The following CENPC variants were observed in gnomAD, a reference collection of about 807,000 sequenced individuals.
CENPC encodes the protein CENP-C 1.
Under a neutral mutation model 112.1 loss-of-function variants are expected in CENPC, and 63 were observed. That is an observed-to-expected ratio of 0.56 (90% CI 0.46 to 0.69). The LOEUF (loss-of-function observed/expected upper bound fraction) is 0.69. CENPC is among the 30% of genes least tolerant of loss of function. The probability of loss-of-function intolerance (pLI) is 0.00; values close to 1 mark genes in which losing one functional copy is unlikely to be tolerated. For synonymous variants in CENPC, 333 were observed against 367.6 expected, an observed-to-expected ratio of 0.91 and a Z score of 1.08; for missense variants, 1,000 against 1,103.8, an observed-to-expected ratio of 0.91 and a Z score of 1.33.
Position 67,469,239 on chromosome 4 carries a change from C to T in CENPC, c.*3366G>A, listed in dbSNP as rs1577964956. 6.6e-6 allele frequency: 1 copy of T among 152,102 alleles called. No individual in the cohort carries two copies. The highest frequency in any genetic ancestry group is 2.1e-4 in the South Asian group (1 of 4,826). 9.4% of individuals were successfully genotyped at this position (152,102 alleles called of 1,614,324 possible). Reference sequence around the variant, plus strand: ...AAAAAACTCTCATGGGTGATGCCCACGATGGATTAATGGGTATCAAATTTG... The same window carrying T: ...AAAAAACTCTCATGGGTGATGCCCATGATGGATTAATGGGTATCAAATTTG... On this transcript the variant is annotated 3_prime_UTR_variant, in exon 19 of 19. Transcript: ENST00000273853.
At chr4:67,491,331 G>A (rs947677725) in intron 16 of CENPC, among the ~76,000 whole-genome samples, 4 of 149,866 alleles carry the variant, frequency 2.7e-5, no homozygotes, top group South Asian at 2.1e-4. Context: ...CCACCACCAC[G>A]CCCAGCTACC....
chr4:67,479,049 A>C (rs1409209647), intron 17 of CENPC, among the ~76,000 whole-genome samples: 1 of 152,138 alleles, frequency 6.6e-6, no homozygotes, highest in Non-Finnish European at 1.5e-5. Context: ...TGCACCTAAC[A>C]CCAGAGCTCC....
chr4:67,534,829 A>G (rs1390423911), intron 4 of CENPC, among the ~76,000 whole-genome samples: 3 of 152,206 alleles, frequency 2.0e-5, no homozygotes, highest in African/African-American at 4.8e-5. Context: ...ACAAGAGGAG[A>G]CAGCTAAGGA....
chr4:67,524,279 C>T (rs1306892340), intron 5 of CENPC, among the ~76,000 whole-genome samples: 1 of 152,058 alleles, frequency 6.6e-6, no homozygotes, highest in African/African-American at 2.4e-5. Flanking sequence ...GACAAGGATG[C>T]CCTCTCTCAC....
intron 1 of CENPC, among the ~76,000 whole-genome samples, chr4:67,545,123 A>G (rs1166722383): frequency 6.6e-6 from 1 of 152,190 alleles, no homozygotes; most frequent in African/African-American, 2.4e-5. Flanking sequence ...AGACGAAATG[A>G]CGACATGAAA....
intron 17 of CENPC, among the ~76,000 whole-genome samples, chr4:67,485,936 T>C (rs1257768679): frequency 6.6e-6 from 1 of 152,104 alleles, no homozygotes; most frequent in African/African-American, 2.4e-5. Context: ...GATTACAGAA[T>C]TCATTCCCTA....
At chr4:67,479,608 C>T (rs1724898864) in intron 17 of CENPC, among the ~76,000 whole-genome samples, 1 of 152,122 alleles carries the variant, frequency 6.6e-6, no homozygotes, top group Non-Finnish European at 1.5e-5. Context: ...TTAAATGCCT[C>T]CATCAAAAAG....
intron 5 of CENPC, among the ~76,000 whole-genome samples, chr4:67,524,492 G>C (rs1726317609): frequency 6.6e-6 from 1 of 152,132 alleles, no homozygotes; most frequent in South Asian, 2.1e-4. Context: ...AAAGTCTCAG[G>C]ATACAAAATT....
chr4:67,474,690 T>C (rs1724756536), intron 18 of CENPC, 198 bp downstream of exon 18: 4 of 502,406 alleles, frequency 8.0e-6, no homozygotes, highest in Non-Finnish European at 1.4e-5. Flanking sequence ...AGAGCAAGAC[T>C]CTGTCTCAAA....
intron 4 of CENPC, 51 bp downstream of exon 4, chr4:67,539,789 C>A (rs1726831873): frequency 9.4e-6 from 9 of 957,976 alleles, no homozygotes; most frequent in Non-Finnish European, 1.2e-5. Flanking sequence ...ATTGTGTATA[C>A]CTTCATTCAT....
chr4:67,488,720 T>G (rs1725157558), intron 17 of CENPC, among the ~76,000 whole-genome samples: 1 of 151,986 alleles, frequency 6.6e-6, no homozygotes, highest in South Asian at 2.1e-4. Context: ...TACTTTATTA[T>G]TATACAGGGA....
chr4:67,475,022 A>G (rs1332402561), intron 17 of CENPC, 44 bp from the exon 18 acceptor site: 5 of 1,062,790 alleles, frequency 4.7e-6, no homozygotes, highest in Non-Finnish European at 4.1e-6. Context: ...CTGAACCATG[A>G]TAATACTTCA....
At chr4:67,501,922 A>G (rs1035417657) in intron 12 of CENPC, among the ~76,000 whole-genome samples, 3 of 90,856 alleles carry the variant, frequency 3.3e-5, no homozygotes, top group African/African-American at 1.1e-4. Flanking sequence ...ATAAGACTGA[A>G]ATTATTTCAA....
At chr4:67,472,912 C>A (rs184186570) in intron 18 of CENPC, among the ~76,000 whole-genome samples, 57 of 152,142 alleles carry the variant, frequency 3.7e-4, no homozygotes, top group African/African-American at 1.3e-3. Context: ...AAAATAAATA[C>A]GGAGATGAAT....
intron 7 of CENPC, among the ~76,000 whole-genome samples, chr4:67,516,485 A>G (rs1726059986): frequency 6.6e-6 from 1 of 152,172 alleles, no homozygotes; most frequent in South Asian, 2.1e-4. Context: ...TCTTTTAATT[A>G]GAACATACAC....
chr4:67,511,147 T>C (rs1454866071), intron 9 of CENPC: 3 of 428,664 alleles, frequency 7.0e-6, no homozygotes, highest in Admixed American at 2.5e-5. Context: ...GAGGTAATCA[T>C]GTTACAGAAT....
intron 12 of CENPC, among the ~76,000 whole-genome samples, chr4:67,497,080 C>A (rs1172886633): frequency 6.6e-6 from 1 of 152,058 alleles, no homozygotes. Flanking sequence ...TTGAGAAGAA[C>A]TTGTAATAAA....
At chr4:67,474,667 C>A in intron 18 of CENPC, 1 of 435,792 alleles carries the variant, frequency 2.3e-6, no homozygotes. Context: ...CACTGCACTC[C>A]AGCCTGGGTG....
intron 14 of CENPC, among the ~76,000 whole-genome samples, chr4:67,493,198 A>G (rs1302799531): frequency 6.6e-6 from 1 of 151,934 alleles, no homozygotes; most frequent in Non-Finnish European, 1.5e-5. Flanking sequence ...ACAGGATTAG[A>G]TGATGAAACA....
Sources: allele counts gnomAD v4.1 joint callset (sites outside exome capture counted in the v4.1 genomes callset), GRCh38; gene constraint gnomAD v4.1.1; transcripts MANE v1.5; gene names NCBI Gene and HGNC (gene_info 2026-07-23, HGNC 2026-07-21).